The following MACF1 variants were observed in gnomAD, a reference collection of about 807,000 sequenced individuals.
MACF1 encodes the protein microtubule-actin cross-linking factor 1.
MACF1 carries 193 observed loss-of-function variants against 854.8 expected under a neutral mutation model. The observed-to-expected ratio is 0.23, with a 90% CI of 0.20 to 0.25. The LOEUF is 0.25. Ranked by LOEUF, MACF1 falls within the 10% of genes least tolerant of loss-of-function variation. The probability of loss-of-function intolerance (pLI) is 1.00; values close to 1 mark genes in which losing one functional copy is unlikely to be tolerated. For missense variants in MACF1, 7,722 were observed against 8,929.1 expected, an observed-to-expected ratio of 0.86 and a Z score of 5.45; for synonymous variants, 3,185 against 3,226.7, an observed-to-expected ratio of 0.99 and a Z score of 0.44.
At chr1:39,329,475 G>A (rs1646678745) in intron 36 of MACF1, among the ~76,000 whole-genome samples, 1 of 152,108 alleles carries the variant, frequency 6.6e-6, no homozygotes, top group African/African-American at 2.4e-5. Flanking sequence ...ATGGACAATG[G>A]ATCAGCTCTT....
chr1:39,322,518 G>A (rs555153861), intron 31 of MACF1, 90 bp from the exon 32 acceptor site: 534 of 1,153,126 alleles, frequency 4.6e-4, no homozygotes, highest in Non-Finnish European at 6.0e-4. Flanking sequence ...TCACCAAAAC[G>A]CTTCCAGCAA....
intron 91 of MACF1, 115 bp downstream of exon 91, chr1:39,459,364 A>G: frequency 1.8e-6 from 2 of 1,132,176 alleles, no homozygotes; most frequent in African/African-American, 1.6e-5. Flanking sequence ...TTTTCACAAT[A>G]GAAACAGACC....
rs1410424697 is a variant in MACF1, at chr1:39,335,875, G to A, written c.9287G>A (p.Gly3096Glu). The change falls in exon 37 of 101, where the codon GGG becomes GAG. Residue 3096 changes from glycine to glutamate, a missense_variant. Transcript: ENST00000564288. ...EENLSREIACGAQSEPFPCMT... is the reference protein window; with the variant it reads ...EENLSREIACEAQSEPFPCMT... ...AACTTATCTCGAGAAATTGCCTGTG[G>A]GGCCCAGAGTGAACCATTCCCTTGT... 1 of 1,613,854 alleles carries A rather than the reference G, an allele frequency of 6.2e-7. No individual in the cohort carries two copies. The highest frequency in any genetic ancestry group is 8.5e-7 in the Non-Finnish European group (1 of 1,180,010).
chr1:39,258,213 A>C lies in MACF1; in HGVS notation c.528+185A>C, dbSNP rs1645118232. On this transcript the variant is annotated intron_variant, in intron 6 of 100. Coordinates refer to ENST00000564288, the MANE Select transcript of MACF1 (RefSeq NM_001394062.1). The stretch of plus-strand genomic sequence containing the variant: ...CAAGCTGTTGTATCGTAAACGCAAA[A>C]CTTCCTAATTATTTGCTTAATTAAA... Among the ~76,000 whole-genome samples the C allele has an allele frequency of 2.6e-5, 4 of 152,274 alleles. No homozygotes were observed. The South Asian group carries it at 8.3e-4, about 32-fold the overall frequency.
chr1:39,131,151 CTTTTTTTTTT>C (rs34762038), intron 2 of MACF1, among the ~76,000 whole-genome samples: 5 of 42,348 alleles, frequency 1.2e-4, no homozygotes, highest in African/African-American at 1.9e-4. Flanking sequence ...TGCGCCCGGC[CTTTTTTTTTT>C]TTTTTTTTTT....
chr1:39,482,595 G>A (rs1645029990), intron 99 of MACF1, among the ~76,000 whole-genome samples: 1 of 151,718 alleles, frequency 6.6e-6, no homozygotes, highest in East Asian at 1.9e-4. Context: ...AAACATTTAA[G>A]GATCAGCCTG....
At position 39,309,708 on chromosome 1, in the gene MACF1, A is replaced by T; in HGVS notation, c.2916+12A>T. The T allele has an allele frequency of 6.2e-7, 1 of 1,607,770 alleles. No individual in the cohort carries two copies. The highest frequency in any genetic ancestry group is 8.5e-7 in the Non-Finnish European group (1 of 1,178,134). ...GGAACCTAGAAAAGGTAATTATGAA[A>T]ACCTTACCCCAGGCTTACATTCCAT... On this transcript the variant is annotated intron_variant, in intron 24 of 100. Coordinates refer to ENST00000564288, the MANE Select transcript of MACF1 (RefSeq NM_001394062.1).
rs752989702 is a variant in MACF1, at chr1:39,322,651, C to T, written c.4073C>T (p.Ser1358Leu). The T allele has an allele frequency of 1.2e-5, 19 of 1,614,020 alleles. No individual in the cohort carries two copies. Among genetic ancestry groups the T allele is most frequent in the East Asian group, 6.7e-5 (3 of 44,900 alleles). The stretch of plus-strand genomic sequence containing the variant: ...ATGACATACAAGGCCTTTGTGGAAT[C>T]GCAGCAGAAATCCCCTGGCAAGCGC... ...QLMTYKAFVE[S>L]QQKSPGKRRR... Residue 1358 changes from serine (S) to leucine (L), a missense_variant, in exon 32 of 101, where the codon TCG becomes TTG. Around this residue, in one of 15 missense-constraint regions of MACF1, gnomAD observed 1,137 missense variants for 1,263.0 expected, o/e 0.90. Coordinates refer to ENST00000564288, the MANE Select transcript of MACF1 (RefSeq NM_001394062.1).
At chr1:39,151,150 G>A (rs1423153006) in intron 2 of MACF1, among the ~76,000 whole-genome samples, 1 of 151,986 alleles carries the variant, frequency 6.6e-6, no homozygotes, top group Non-Finnish European at 1.5e-5. Flanking sequence ...TTCTATCCAG[G>A]CACACAAATG....
At position 39,105,459 on chromosome 1, in the gene MACF1, A is replaced by AGC. The variant is rs1642204961; in HGVS notation, c.220+21025_220+21026dup. ...CGGGTGCGAGCGGACTGAGGAGCGGAGCGCGACTGCCGGGCCGGGCGAGGC... is the reference window on the plus strand; with the variant it reads ...CGGGTGCGAGCGGACTGAGGAGCGGAGCGCGCGACTGCCGGGCCGGGCGAGGC... On this transcript the variant is annotated intron_variant, in intron 2 of 93. Transcript: ENST00000361689. The surrounding 1 kb of genome is among the most constrained non-coding windows in gnomAD (Gnocchi z 5.9). 1 of 1,005,394 alleles carries AGC rather than the reference A, an allele frequency of 9.9e-7. No individual in the cohort carries two copies. Among genetic ancestry groups the AGC allele is most frequent in the South Asian group, 4.0e-5 (1 of 24,974 alleles). The allele number at this position is 1,005,394 out of a possible 1,614,324, so 62.3% of individuals were successfully genotyped here.
chr1:39,478,764 C>T (rs1644959031), intron 97 of MACF1, among the ~76,000 whole-genome samples: 1 of 152,128 alleles, frequency 6.6e-6, no homozygotes, highest in South Asian at 2.1e-4. Context: ...GGTTTCTGAC[C>T]AGTTAAACAT....
intron 58 of MACF1, among the ~76,000 whole-genome samples, chr1:39,389,035 C>T (rs553815665): frequency 4.0e-5 from 6 of 151,720 alleles, no homozygotes; most frequent in South Asian, 4.2e-4. Context: ...CCACCATACC[C>T]GGCTAATTTT....
chr1:39,182,588 T>C (rs1357031224), intron 2 of MACF1, among the ~76,000 whole-genome samples: 1 of 152,204 alleles, frequency 6.6e-6, no homozygotes, highest in Admixed American at 6.5e-5. Flanking sequence ...AAATGGCTAA[T>C]AAGCACATGA....
chr1:39,147,203 C>T (rs367649403), intron 2 of MACF1, among the ~76,000 whole-genome samples: 10 of 149,874 alleles, frequency 6.7e-5, no homozygotes, highest in Non-Finnish European at 1.3e-4. Context: ...CGTCTCTCCT[C>T]TCCTCACCTT....
At chr1:39,251,544 C>T (rs1645040382) in intron 3 of MACF1, among the ~76,000 whole-genome samples, 1 of 152,132 alleles carries the variant, frequency 6.6e-6, no homozygotes, top group Non-Finnish European at 1.5e-5. Context: ...CATCTCTTCA[C>T]CAAAAACCAT....
chr1:39,091,723 A>G (rs1173773542), intron 2 of MACF1, among the ~76,000 whole-genome samples: 3 of 152,082 alleles, frequency 2.0e-5, no homozygotes, highest in African/African-American at 7.2e-5. Context: ...GATGGTCTCA[A>G]TCTCTTGACC....
rs965128703 is a variant in MACF1 at position 39,448,292 on chromosome 1, C to T, written c.20088+140C>T. The T allele has an allele frequency of 6.6e-5, 63 of 960,694 alleles. No individual in the cohort carries two copies. The Admixed American group carries it at 1.2e-3, about 18-fold the overall frequency. The allele number at this position is 960,694 out of a possible 1,614,324, so 59.5% of individuals were successfully genotyped here. A position where few individuals can be genotyped will look rare whatever the true frequency, so the allele number is the denominator to read the frequency against. The stretch of plus-strand genomic sequence containing the variant: ...AGTCAAAATGATGAAGCCAGGGTTC[C>T]ATTTTATATCTAGATGGTCTAATCA... On this transcript the variant is annotated intron_variant, in intron 83 of 100. Transcript: ENST00000564288.
chr1:39,480,386 G>A (rs1298031150), intron 98 of MACF1, among the ~76,000 whole-genome samples: 1 of 152,216 alleles, frequency 6.6e-6, no homozygotes, highest in African/African-American at 2.4e-5. Flanking sequence ...TGTGGTGGGA[G>A]GATCCCTTGA....
intron 97 of MACF1, 130 bp from the exon 98 acceptor site, chr1:39,479,668 A>T: frequency 1.4e-6 from 1 of 716,986 alleles, no homozygotes; most frequent in Non-Finnish European, 2.3e-6. Context: ...CTATTTTTGA[A>T]GAACCCACAG....
Sources: allele counts gnomAD v4.1 joint callset (sites outside exome capture counted in the v4.1 genomes callset), GRCh38; gene constraint gnomAD v4.1.1; regional missense constraint gnomAD v4.1.1; non-coding constraint Gnocchi (gnomAD v3.1); transcripts MANE v1.5; gene names NCBI Gene and HGNC (gene_info 2026-07-23, HGNC 2026-07-21).